SLC35D1: variants seen among roughly 807,000 people sequenced by gnomAD.
SLC35D1 encodes the protein solute carrier family 35 member D1.
Under a neutral mutation model 46.7 loss-of-function variants are expected in SLC35D1, and 31 were observed. That is an observed-to-expected ratio of 0.66 (90% confidence interval 0.50 to 0.90). The LOEUF is 0.90. Among genes scored for constraint, SLC35D1 ranks in the 40% least tolerant of loss-of-function variants. The pLI is 0.00. For synonymous variants in SLC35D1, 195 were observed against 164.6 expected (o/e 1.18, Z -1.41); for missense variants, 397 against 426.2 (o/e 0.93, Z 0.60).
At chr1:67,051,786 G>A (rs1570647911) in intron 4 of SLC35D1, among the ~76,000 whole-genome samples, 1 of 109,836 alleles carries the variant, frequency 9.1e-6, no homozygotes, top group East Asian at 2.8e-4. Flanking sequence ...TCAAAATGAG[G>A]GGTAAAAAAA....
intron 4 of SLC35D1, 128 bp from the exon 5 acceptor site, chr1:67,050,632 G>A: frequency 1.2e-6 from 1 of 800,830 alleles, no homozygotes; most frequent in Non-Finnish European, 2.1e-6. Flanking sequence ...TTAATTTATG[G>A]TTAAACCCCT....
chr1:66,983,423 C>G, the SLC35D1 span, among the ~76,000 whole-genome samples: 1 of 152,126 alleles, frequency 6.6e-6, no homozygotes, highest in Non-Finnish European at 1.5e-5. Context: ...ATCCTTTATG[C>G]CGAATATTTT....
intron 3 of SLC35D1, 132 bp downstream of exon 3, chr1:67,052,639 T>C: frequency 2.5e-6 from 2 of 813,158 alleles, no homozygotes; most frequent in South Asian, 3.0e-5. Flanking sequence ...TTTTATTCTT[T>C]ACATTCATTA....
At chr1:67,041,820 T>G (rs1014655596) in intron 8 of SLC35D1, among the ~76,000 whole-genome samples, 1 of 152,224 alleles carries the variant, frequency 6.6e-6, no homozygotes, top group Admixed American at 6.5e-5. Context: ...GGATGACAAC[T>G]GTACACTAAA....
chr1:67,005,495 A>G (rs185815042), intron 11 of SLC35D1, among the ~76,000 whole-genome samples: 13 of 152,188 alleles, frequency 8.5e-5, no homozygotes, highest in African/African-American at 3.1e-4. Context: ...ACTCCAATCA[A>G]CCCAAAATAA....
chr1:67,041,756 C>T (rs183093161), intron 8 of SLC35D1, among the ~76,000 whole-genome samples: 1 of 151,846 alleles, frequency 6.6e-6, no homozygotes. Flanking sequence ...GTTAAGTTGC[C>T]ACACAATGCT....
At chr1:67,020,230 A>G in intron 10 of SLC35D1, 139 bp downstream of exon 10, 1 of 665,848 alleles carries the variant, frequency 1.5e-6, no homozygotes, top group Non-Finnish European at 2.8e-6. Flanking sequence ...TTCAGAAACT[A>G]TCACCACAAT....
chr1:67,049,797 G>A lies in SLC35D1; in HGVS notation c.518C>T (p.Ala173Val), dbSNP rs779178195. ...CACATCTTACCTGGCAGCTACAAAG[G>A]CTCCAATAATCATTGCAAATACAGT... ...KMTVFAMIIGAFVAASSDLAF... is the reference protein window; with the variant it reads ...KMTVFAMIIGVFVAASSDLAF... Residue 173 changes from alanine to valine, a missense_variant, in exon 6 of 12, where the codon GCC becomes GTC. Physicochemically the swap from Ala to Val is moderately conservative, Grantham distance 64. Coordinates refer to ENST00000235345, the MANE Select transcript of SLC35D1 (RefSeq NM_015139.3). The A allele has an allele frequency of 1.2e-6, 2 of 1,613,426 alleles. No individual in the cohort carries two copies. The highest frequency in any genetic ancestry group is 8.5e-7 in the Non-Finnish European group (1 of 1,179,776).
chr1:67,012,217 C>A (rs974576177), intron 10 of SLC35D1, among the ~76,000 whole-genome samples: 3 of 152,168 alleles, frequency 2.0e-5, no homozygotes, highest in Non-Finnish European at 4.4e-5. Context: ...CTAAAAAAGT[C>A]CAGTCCCATG....
At chr1:67,038,904 C>T (rs1422637135) in intron 8 of SLC35D1, among the ~76,000 whole-genome samples, 1 of 151,886 alleles carries the variant, frequency 6.6e-6, no homozygotes, top group African/African-American at 2.4e-5. Context: ...CAAGACCTTG[C>T]ATTATGTGCT....
chr1:67,021,508 T>C, intron 9 of SLC35D1, 27 bp downstream of exon 9: 1 of 1,611,958 alleles, frequency 6.2e-7, no homozygotes, highest in East Asian at 2.2e-5. Flanking sequence ...AGGAAAACTA[T>C]CTGCTAACAA....
chr1:66,995,379 G>A (rs1042103656), downstream of SLC35D1, among the ~76,000 whole-genome samples: 1 of 129,062 alleles, frequency 7.7e-6, no homozygotes, highest in African/African-American at 2.9e-5. Flanking sequence ...AAATACTGCA[G>A]CTGGTGTGAT....
rs1210333344 is a variant in SLC35D1 at position 67,042,237 on chromosome 1, T to C, written c.728A>G (p.Lys243Arg). The C allele has an allele frequency of 1.9e-6, 3 of 1,613,510 alleles. No homozygotes were observed. The highest frequency in any genetic ancestry group is 2.5e-6 in the Non-Finnish European group (3 of 1,179,544). Residue 243 changes from lysine (K) to arginine (R), a missense_variant and splice_region_variant, in exon 8 of 12, where the codon AAG (lysine) becomes AGG (arginine). Coordinates refer to ENST00000235345, the MANE Select transcript of SLC35D1 (RefSeq NM_015139.3). ...TAAACCGTAATTAGAAAGTCCTACC[T>C]TTTGTGCATCTCCTGTGAAATACGC... ...AIAYFTGDAQ[K>R]AVEFEGWADT...
the SLC35D1 span, among the ~76,000 whole-genome samples, chr1:66,978,293 G>A: frequency 6.8e-6 from 1 of 146,774 alleles, no homozygotes; most frequent in Admixed American, 6.8e-5. Context: ...TTTATAGGTA[G>A]GTATCTCTGC....
intron 8 of SLC35D1, among the ~76,000 whole-genome samples, chr1:67,029,902 C>T (rs888564792): frequency 1.3e-5 from 2 of 152,120 alleles, no homozygotes; most frequent in African/African-American, 2.4e-5. Flanking sequence ...CTGCGCCCCA[C>T]GCCCCAAGCT....
chr1:66,997,254 G>A (rs2102211042), downstream of SLC35D1, among the ~76,000 whole-genome samples: 1 of 152,010 alleles, frequency 6.6e-6, no homozygotes, highest in East Asian at 1.9e-4. Context: ...CTTACACCTG[G>A]AATCTTAGCA....
rs537585744 is a variant in SLC35D1 at position 67,021,427 on chromosome 1, A to C, written c.797+108T>G. The C allele has an allele frequency of 1.1e-4, 133 of 1,164,272 alleles. No individual in the cohort carries two copies. The African/African-American group carries it at 1.8e-3, about 16-fold the overall frequency. 72.1% of individuals were successfully genotyped at this position (1,164,272 alleles called of 1,614,324 possible). ...CTGAATCTGGAGGCTTAATTATCCTAGGCTGACACACTCAGGAGACCTAAA... is the reference window on the plus strand; with the variant it reads ...CTGAATCTGGAGGCTTAATTATCCTCGGCTGACACACTCAGGAGACCTAAA... On this transcript the variant is annotated intron_variant, in intron 9 of 11. Coordinates refer to ENST00000235345, the MANE Select transcript of SLC35D1 (RefSeq NM_015139.3).
rs959108461 is a variant in SLC35D1, at chr1:67,049,776, T to A, written c.533+6A>T. The A allele has an allele frequency of 3.1e-6, 5 of 1,612,538 alleles. No homozygotes were observed. In the Admixed American group the frequency reaches 8.3e-5, roughly 27 times the overall value. ...ATAATGTGCTAGTCATAGGCCCACA[T>A]CTTACCTGGCAGCTACAAAGGCTCC... On this transcript the variant is annotated splice_donor_region_variant and intron_variant, in intron 6 of 11. Transcript: ENST00000235345.
chr1:66,976,195 G>C, the SLC35D1 span, among the ~76,000 whole-genome samples: 1 of 152,046 alleles, frequency 6.6e-6, no homozygotes, highest in Middle Eastern at 3.4e-3. Flanking sequence ...GTAGAGATGG[G>C]GTTTCACCAT....
Sources: allele counts gnomAD v4.1 joint callset (sites outside exome capture counted in the v4.1 genomes callset), GRCh38; gene constraint gnomAD v4.1.1; transcripts MANE v1.5; gene names NCBI Gene and HGNC (gene_info 2026-07-23, HGNC 2026-07-21).